Variants in COMMD1 observed in about 807,000 individuals in gnomAD.
The protein encoded by COMMD1 is copper metabolism domain containing 1, also known as COMM domain-containing protein 1.
A neutral mutation model predicts 17.2 loss-of-function variants in COMMD1; 10 were observed. That is an observed-to-expected ratio of 0.58 (90% CI 0.36 to 0.99). The LOEUF (loss-of-function observed/expected upper bound fraction) is 0.99. Among genes scored for constraint, COMMD1 ranks in the 50% least tolerant of loss-of-function variants. COMMD1 has a pLI of 0.01. For missense variants in COMMD1, 270 were observed against 231.8 expected, an observed-to-expected ratio of 1.17 and a Z score of -1.07; for synonymous variants, 97 against 91.6, an observed-to-expected ratio of 1.06 and a Z score of -0.34.
At chr2:61,989,713 G>C (rs1192744736) in intron 1 of COMMD1, among the ~76,000 whole-genome samples, 1 of 151,882 alleles carries the variant, frequency 6.6e-6, no homozygotes, top group Non-Finnish European at 1.5e-5. Flanking sequence ...ATCCGCCCAC[G>C]TCGGCCTCCC....
chr2:62,117,457 G>T (rs1224959234), intron 2 of COMMD1, among the ~76,000 whole-genome samples: 1 of 152,216 alleles, frequency 6.6e-6, no homozygotes, highest in Non-Finnish European at 1.5e-5. Context: ...ATGAATGTGA[G>T]TCAGGATTGT....
intron 2 of COMMD1, among the ~76,000 whole-genome samples, chr2:62,013,130 A>G (rs1669334158): frequency 6.6e-6 from 1 of 152,150 alleles, no homozygotes; most frequent in Admixed American, 6.5e-5. Flanking sequence ...CTGGGATCTC[A>G]GTACTGGGAT....
intron 2 of COMMD1, among the ~76,000 whole-genome samples, chr2:62,010,538 G>A (rs1428647752): frequency 6.6e-6 from 1 of 152,044 alleles, no homozygotes; most frequent in Non-Finnish European, 1.5e-5. Context: ...TGACATACTG[G>A]AGATCCTGAC....
intron 2 of COMMD1, among the ~76,000 whole-genome samples, chr2:62,027,005 C>A (rs1011191174): frequency 6.6e-6 from 1 of 151,958 alleles, no homozygotes; most frequent in Non-Finnish European, 1.5e-5. Flanking sequence ...TTGATACCAC[C>A]TGGTTTTGTA....
intron 2 of COMMD1, among the ~76,000 whole-genome samples, chr2:62,005,200 A>G (rs1669076638): frequency 6.6e-6 from 1 of 152,226 alleles, no homozygotes; most frequent in Admixed American, 6.5e-5. Context: ...ACTGTGTTAA[A>G]GGTAGCCAAA....
At chr2:61,930,164 T>C (rs757160225) in intron 1 of COMMD1, among the ~76,000 whole-genome samples, 1 of 152,190 alleles carries the variant, frequency 6.6e-6, no homozygotes, top group Non-Finnish European at 1.5e-5. Flanking sequence ...AGTCTTTGGT[T>C]GGCAGAACTT....
exon 1 of COMMD1, chr2:61,888,800 T>G: frequency 2.2e-6 from 1 of 459,808 alleles, no homozygotes; most frequent in East Asian, 4.0e-5. Context: ...GGGGAACCTT[T>G]ACGCGAGGCA....
intron 2 of COMMD1, among the ~76,000 whole-genome samples, chr2:62,015,877 G>C (rs986529597): frequency 6.6e-6 from 1 of 151,958 alleles, no homozygotes; most frequent in Non-Finnish European, 1.5e-5. Flanking sequence ...CCATCTCCCA[G>C]GCCGGAGTGC....
At chr2:62,014,576 T>G (rs1669381311) in intron 2 of COMMD1, among the ~76,000 whole-genome samples, 1 of 56,068 alleles carries the variant, frequency 1.8e-5, no homozygotes, top group Non-Finnish European at 3.4e-5. Context: ...TTTTTTTTTT[T>G]TTTGAGACAG....
intron 1 of COMMD1, among the ~76,000 whole-genome samples, chr2:61,984,659 G>A (rs935337566): frequency 2.0e-5 from 3 of 152,208 alleles, no homozygotes; most frequent in Admixed American, 1.3e-4. Context: ...GTTCTGTAAA[G>A]TCTATTAGGT....
chr2:61,929,348 C>G (rs1034881471), intron 1 of COMMD1, among the ~76,000 whole-genome samples: 3 of 152,112 alleles, frequency 2.0e-5, no homozygotes, highest in Non-Finnish European at 2.9e-5. Flanking sequence ...CGGGGTCTAG[C>G]AAAAGTTAAT....
chr2:62,034,835 CTG>C (rs1236101879), intron 2 of COMMD1, among the ~76,000 whole-genome samples: 4 of 152,070 alleles, frequency 2.6e-5, no homozygotes, highest in Non-Finnish European at 5.9e-5. Flanking sequence ...GAATACTAGA[CTG>C]TGAGAGCTTC....
intron 2 of COMMD1, among the ~76,000 whole-genome samples, chr2:62,116,672 A>G (rs1247019717): frequency 9.9e-6 from 1 of 101,456 alleles, no homozygotes; most frequent in African/African-American, 4.0e-5. Context: ...ACTCTGTCTC[A>G]TTACAAAAAA....
intron 2 of COMMD1, among the ~76,000 whole-genome samples, chr2:62,120,693 A>C (rs1452964497): frequency 6.6e-6 from 1 of 151,986 alleles, no homozygotes; most frequent in Non-Finnish European, 1.5e-5. Flanking sequence ...CTTTCAGTCA[A>C]AGTTTTTCAA....
intron 2 of COMMD1, among the ~76,000 whole-genome samples, chr2:62,110,276 G>A (rs770755984): frequency 2.0e-4 from 30 of 151,838 alleles, no homozygotes; most frequent in African/African-American, 6.5e-4. Flanking sequence ...TCACTATATT[G>A]CCCAGGCTGG....
intron 2 of COMMD1, among the ~76,000 whole-genome samples, chr2:62,092,684 A>G (rs1671867247): frequency 1.3e-5 from 2 of 152,100 alleles, no homozygotes; most frequent in Admixed American, 1.3e-4. Flanking sequence ...CACTATGGAA[A>G]GATTGTGTTA....
chr2:61,905,728 A>G lies in COMMD1; in HGVS notation c.50A>G (p.Asn17Ser), dbSNP rs748180021. The G allele has an allele frequency of 3.1e-6, 5 of 1,610,894 alleles. No individual in the cohort carries two copies. The highest frequency in any genetic ancestry group is 4.2e-6 in the Non-Finnish European group (5 of 1,178,354). ...GGCAAACCCCTGAGCGGGCTGCTGAATGCGCTGGCCCAGGACACTTTCCAC... is the reference window on the plus strand; with the variant it reads ...GGCAAACCCCTGAGCGGGCTGCTGAGTGCGCTGGCCCAGGACACTTTCCAC... The part of the protein sequence containing the change: ...EGGKPLSGLL[N>S]ALAQDTFHGY... Residue 17 changes from asparagine (N) to serine (S), a missense_variant, in exon 1 of 3, where the codon AAT becomes AGT. Transcript: ENST00000311832.
chr2:62,012,213 C>G (rs1166460314), intron 2 of COMMD1, among the ~76,000 whole-genome samples: 1 of 151,460 alleles, frequency 6.6e-6, no homozygotes, highest in South Asian at 2.1e-4. Flanking sequence ...GCCAAGATCA[C>G]GCCATTCCAC....
intron 1 of COMMD1, among the ~76,000 whole-genome samples, chr2:61,986,678 C>T (rs924165340): frequency 6.7e-6 from 1 of 149,578 alleles, no homozygotes; most frequent in Admixed American, 6.8e-5. Flanking sequence ...AAGGAATTCT[C>T]ATGCTTCAGC....
Sources: gnomAD v4.1 joint callset for allele counts (sites outside exome capture counted in the v4.1 genomes callset) on GRCh38, gnomAD v4.1.1 for gene constraint, MANE v1.5 for transcripts, NCBI Gene and HGNC (gene_info 2026-07-23, HGNC 2026-07-21) for gene names.